CD300LD: variants seen among roughly 807,000 people sequenced by gnomAD.
The protein encoded by CD300LD is CD300 molecule like family member d, also known as CMRF35-like molecule 5.
A neutral mutation model predicts 20.3 loss-of-function variants in CD300LD; 18 were observed. That is an observed-to-expected ratio of 0.89 (90% confidence interval 0.61 to 1.32). The LOEUF (loss-of-function observed/expected upper bound fraction) is 1.32, where lower values mean the gene tolerates loss of function less well. Among genes scored for constraint, CD300LD ranks in the 40% most tolerant of loss-of-function variants. The probability of loss-of-function intolerance (pLI) is 0.00; values close to 1 mark genes in which losing one functional copy is unlikely to be tolerated. For synonymous variants in CD300LD, 104 were observed against 90.1 expected (o/e 1.15, Z -0.87); for missense variants, 195 against 226.6 (o/e 0.86, Z 0.90).
Position 74,588,669 on chromosome 17 carries a change from A to G in CD300LD, c.221T>C (p.Val74Ala), listed in dbSNP as rs777015959. 2 of 1,613,874 alleles carry G rather than the reference A, an allele frequency of 1.2e-6. No homozygotes were observed. Among genetic ancestry groups the G allele is most frequent in the Admixed American group, 3.3e-5 (2 of 59,984 alleles). ...CCTGATGGAAACTCGATTCTTCTTT[A>G]CCTCCTGCTCTGATCCATTTGTTTT... ...LVKTNGSEQE[V>A]KKNRVSIRDN... is the part of the protein sequence containing the mutation. Residue 74 changes from valine to alanine, a missense_variant, in exon 2 of 4, where the codon GTA becomes GCA. Physicochemically the swap from Val to Ala is moderately conservative, Grantham distance 64. Coordinates refer to ENST00000375352, the MANE Select transcript of CD300LD (RefSeq NM_001115152.2).
chr17:74,585,340 C>T (rs1250407702), intron 2 of CD300LD, among the ~76,000 whole-genome samples: 1 of 152,112 alleles, frequency 6.6e-6, no homozygotes, highest in Admixed American at 6.6e-5. Context: ...TTCTGCTAGA[C>T]AGCAGGAATC....
chr17:74,591,810 A>T (rs1047818013), intron 1 of CD300LD, among the ~76,000 whole-genome samples: 68 of 76,838 alleles, frequency 8.8e-4, no homozygotes, highest in Middle Eastern at 4.4e-3. Context: ...AGAGCGAGAC[A>T]CCAGCTCAAA....
chr17:74,592,062 C>T (rs775955873), intron 1 of CD300LD, 101 bp downstream of exon 1: 1 of 1,609,458 alleles, frequency 6.2e-7, no homozygotes, highest in South Asian at 1.1e-5. Context: ...TGAATTGGCG[C>T]TGTCATTTTC....
At chr17:74,588,873 C>A in intron 1 of CD300LD, 24 bp from the exon 2 acceptor site, 1 of 1,558,084 alleles carries the variant, frequency 6.4e-7, no homozygotes, top group South Asian at 1.2e-5. Flanking sequence ...ATTCATGTGT[C>A]GTCACCTCCC....
intron 2 of CD300LD, among the ~76,000 whole-genome samples, chr17:74,586,090 C>A (rs1006130215): frequency 1.3e-5 from 2 of 152,168 alleles, no homozygotes; most frequent in African/African-American, 2.4e-5. Flanking sequence ...CATCAGATTC[C>A]TCATACTGCG....
At chr17:74,582,141 G>C (rs2030048972) in intron 3 of CD300LD, 77 bp downstream of exon 3, 2 of 1,162,062 alleles carry the variant, frequency 1.7e-6, no homozygotes, top group Non-Finnish European at 2.5e-6. Flanking sequence ...TGCTATTGTT[G>C]TATCTGGCAA....
chr17:74,586,811 T>C (rs934836075), intron 2 of CD300LD, among the ~76,000 whole-genome samples: 6 of 152,202 alleles, frequency 3.9e-5, no homozygotes, highest in South Asian at 2.1e-4. Context: ...CAGGAGTTAT[T>C]GATTCTGATT....
chr17:74,586,648 G>A (rs376622328), intron 2 of CD300LD, among the ~76,000 whole-genome samples: 2 of 152,180 alleles, frequency 1.3e-5, no homozygotes, highest in African/African-American at 4.8e-5. Flanking sequence ...GGAAGCTCAG[G>A]ATTCGATCTC....
intron 2 of CD300LD, among the ~76,000 whole-genome samples, chr17:74,582,814 C>T (rs756233680): frequency 6.6e-6 from 1 of 152,138 alleles, no homozygotes; most frequent in African/African-American, 2.4e-5. Context: ...CCTCCCTACC[C>T]CTGTTGAAGT....
intron 1 of CD300LD, among the ~76,000 whole-genome samples, chr17:74,589,176 T>C (rs1357905746): frequency 6.6e-6 from 1 of 152,238 alleles, no homozygotes; most frequent in African/African-American, 2.4e-5. Context: ...ATCTTTGTGT[T>C]ATACTGGTCT....
At chr17:74,585,454 C>T (rs866497752) in intron 2 of CD300LD, among the ~76,000 whole-genome samples, 3 of 152,128 alleles carry the variant, frequency 2.0e-5, no homozygotes, top group Admixed American at 6.5e-5. Context: ...TGTGTCACCC[C>T]CTCCAGTAGC....
chr17:74,578,756 G>A (rs1280941296), downstream of CD300LD, among the ~76,000 whole-genome samples: 2 of 152,150 alleles, frequency 1.3e-5, no homozygotes, highest in African/African-American at 4.8e-5. Context: ...GGGTGATCCT[G>A]GTTCATGTTC....
rs759415618 is a variant in CD300LD, at chr17:74,580,059, C to A, written c.528G>T (p.Leu176=). The A allele has an allele frequency of 5.0e-6, 8 of 1,613,544 alleles. No homozygotes were observed. In the South Asian group the frequency reaches 5.5e-5, roughly 11 times the overall value. Residue 176 remains leucine, a synonymous_variant, in exon 4 of 4, where the codon CTG becomes CTT. Transcript: ENST00000375352. ...FLFLFLLELP[L]LLSMLGTVLW... ...GGACGGTCCCCAGCATGCTCAGGAG[C>A]AGAGGCAGCTCCAGGAGGAACAGGA...
At chr17:74,585,971 A>T (rs942499658) in intron 2 of CD300LD, among the ~76,000 whole-genome samples, 1 of 152,176 alleles carries the variant, frequency 6.6e-6, no homozygotes. Context: ...GCTGCTAAAC[A>T]TGCCTGGGCC....
chr17:74,591,884 T>C, intron 1 of CD300LD: 3 of 613,600 alleles, frequency 4.9e-6, no homozygotes, highest in East Asian at 3.7e-5. Context: ...TTCATTGATA[T>C]CTGTTCATTC....
chr17:74,582,337 T>C lies in CD300LD; in HGVS notation c.380-26A>G, dbSNP rs768528410. On this transcript the variant is annotated intron_variant, in intron 2 of 3. Coordinates refer to ENST00000375352, the MANE Select transcript of CD300LD (RefSeq NM_001115152.2). ...CTAAACATACAAAGCAGAACACGGT[T>C]CACCCCTTCCATGGATGGCCCAGCT... The C allele has an allele frequency of 1.1e-5, 18 of 1,599,174 alleles. No homozygotes were observed. The East Asian group carries it at 4.0e-4, about 36-fold the overall frequency.
At chr17:74,581,646 T>A (rs1249237354) in intron 3 of CD300LD, among the ~76,000 whole-genome samples, 1 of 152,244 alleles carries the variant, frequency 6.6e-6, no homozygotes, top group Non-Finnish European at 1.5e-5. Context: ...ATATTTGTTC[T>A]TGGGCAGAAA....
At chr17:74,585,194 G>A (rs1024715918) in intron 2 of CD300LD, among the ~76,000 whole-genome samples, 2 of 152,202 alleles carry the variant, frequency 1.3e-5, no homozygotes, top group African/African-American at 4.8e-5. Context: ...CAGACAGGCA[G>A]TCTTGATGTA....
At chr17:74,587,958 T>A (rs2030205495) in intron 2 of CD300LD, among the ~76,000 whole-genome samples, 1 of 152,216 alleles carries the variant, frequency 6.6e-6, no homozygotes, top group Non-Finnish European at 1.5e-5. Context: ...TTCAGGGTCC[T>A]ATGAGACCTG....
Sources: gnomAD v4.1 joint callset for allele counts (sites outside exome capture counted in the v4.1 genomes callset) on GRCh38, gnomAD v4.1.1 for gene constraint, MANE v1.5 for transcripts, NCBI Gene and HGNC (gene_info 2026-07-23, HGNC 2026-07-21) for gene names.